Variants in SPTAN1 observed in about 807,000 individuals in gnomAD.
SPTAN1 encodes the protein spectrin alpha, non-erythrocytic 1, also known as spectrin alpha chain, non-erythrocytic 1.
In SPTAN1, 61 loss-of-function variants were observed where a neutral mutation model predicts 331.3. The ratio of observed to expected loss-of-function variants is 0.18; its 90% CI spans 0.15 to 0.23. SPTAN1 has a LOEUF of 0.23. SPTAN1 is among the 10% of genes least tolerant of loss of function. The probability of loss-of-function intolerance (pLI) is 1.00; values close to 1 mark genes in which losing one functional copy is unlikely to be tolerated. For synonymous variants in SPTAN1, 1,153 were observed against 1,173.9 expected, an observed-to-expected ratio of 0.98 and a Z score of 0.36; for missense variants, 2,043 against 3,147.9, an observed-to-expected ratio of 0.65 and a Z score of 8.40.
In SPTAN1 at chr9:128,627,175, G is replaced by C. The variant is rs752006624; in HGVS notation, c.6577-211G>C. 6.2e-6 allele frequency: 4 copies of C among 640,132 alleles called. No homozygotes were observed. Among genetic ancestry groups the C allele is most frequent in the South Asian group, 3.2e-5 (2 of 62,438 alleles). The allele number at this position is 640,132 out of a possible 1,614,324, so 39.7% of individuals were successfully genotyped here. A position where few individuals can be genotyped will look rare whatever the true frequency, so the allele number is the denominator to read the frequency against. On this transcript the variant is annotated intron_variant, in intron 49 of 56. Coordinates refer to ENST00000372739, the MANE Select transcript of SPTAN1 (RefSeq NM_001130438.3). This position sits in a 1 kb window ranked among gnomAD's most constrained non-coding sequence, Gnocchi z 4.9. ...TTGACTGACCAGTCGCTTCCCTCCA[G>C]GTCCGCCTCTTCCTTGAAGCCCCTG...
In SPTAN1 at chr9:128,627,451, G is replaced by C; in HGVS notation, c.6642G>C (p.Glu2214Asp). ...AGGAGAACGACAAGCTGCGCCAGGAGTTTGCCCAGCACGCCAACGCCTTCC... is the reference window on the plus strand; with the variant it reads ...AGGAGAACGACAAGCTGCGCCAGGACTTTGCCCAGCACGCCAACGCCTTCC... ...RQEENDKLRQEFAQHANAFHQ... is the reference protein window; with the variant it reads ...RQEENDKLRQDFAQHANAFHQ... Residue 2214 changes from glutamate (E) to aspartate (D), a missense_variant, in exon 50 of 57, where the codon GAG becomes GAC. This residue lies in a region of SPTAN1 where 256 missense variants were observed against 376.4 expected (regional missense o/e 0.68). Transcript: ENST00000372739. The surrounding 1 kb of genome is among the most constrained non-coding windows in gnomAD (Gnocchi z 4.9). 1 of 1,551,168 alleles carries C rather than the reference G, an allele frequency of 6.4e-7. No homozygotes were observed. Among genetic ancestry groups the C allele is most frequent in the Non-Finnish European group, 8.7e-7 (1 of 1,147,052 alleles).
At chr9:128,580,258 G>A (rs1451469619) in intron 10 of SPTAN1, among the ~76,000 whole-genome samples, 1 of 151,190 alleles carries the variant, frequency 6.6e-6, no homozygotes, top group Non-Finnish European at 1.5e-5. Context: ...TCTGGCTTGA[G>A]TGACAGAGTG....
Position 128,615,764 on chromosome 9 carries a change from C to T in SPTAN1, c.5281C>T (p.Arg1761Trp), listed in dbSNP as rs764247109. Residue 1761 changes from arginine to tryptophan, a missense_variant, in exon 41 of 57, where the codon CGG becomes TGG. Arg to Trp is a moderately radical substitution (Grantham distance 101). This residue lies in a region of SPTAN1 where 323 missense variants were observed against 581.1 expected (regional missense o/e 0.56). Transcript: ENST00000372739. ...GAAGATCAAGAGCATGGCGGCCTCC[C>T]GGCGAGCCAAGCTGAATGAATCCCA... Reference protein sequence around the residue: ...FQKIKSMAASRRAKLNESHRL... With the variant: ...FQKIKSMAASWRAKLNESHRL... 6.2e-6 allele frequency: 10 copies of T among 1,614,112 alleles called. No individual in the cohort carries two copies. Among genetic ancestry groups the T allele is most frequent in the East Asian group, 2.2e-5 (1 of 44,890 alleles).
chr9:128,582,061 A>C (rs769115531), intron 12 of SPTAN1, 169 bp downstream of exon 12: 4 of 647,894 alleles, frequency 6.2e-6, no homozygotes, highest in Non-Finnish European at 1.1e-5. Flanking sequence ...GACATAATAC[A>C]ACTTTATGGA....
rs80326848 is a variant in SPTAN1, at chr9:128,619,735, A to G, written c.5733+732A>G. Among the ~76,000 whole-genome samples, 419 of 152,350 alleles carry G rather than the reference A, an allele frequency of 2.8e-3. 9 individuals carry two copies. The East Asian group carries it at 0.041, about 15-fold the overall frequency. On this transcript the variant is annotated intron_variant, in intron 44 of 56. Coordinates refer to ENST00000372739, the MANE Select transcript of SPTAN1 (RefSeq NM_001130438.3). The stretch of plus-strand genomic sequence containing the variant: ...GGGTACCAGAAGTTAGGACTTCACC[A>G]TCTCTTGAGGGGGACACAGTTCAGC...
intron 6 of SPTAN1, 26 bp downstream of exon 6, chr9:128,576,982 G>T: frequency 6.2e-7 from 1 of 1,614,066 alleles, no homozygotes; most frequent in Non-Finnish European, 8.5e-7. Context: ...GGGCTTTGGG[G>T]AATGGGTCTC....
At chr9:128,609,093 T>C (rs754211900) in intron 35 of SPTAN1, 29 bp from the exon 36 acceptor site, 8 of 1,614,204 alleles carry the variant, frequency 5.0e-6, no homozygotes, top group South Asian at 4.4e-5. Flanking sequence ...GATATGCTCA[T>C]GTTGGATCTC....
rs1335009616 is a variant in SPTAN1, at chr9:128,626,291, C to T, written c.6280-100C>T. 98 of 1,411,010 alleles carry T rather than the reference C, an allele frequency of 6.9e-5. 1 individual carries two copies. Among genetic ancestry groups the T allele is most frequent in the South Asian group, 4.2e-4 (36 of 86,402 alleles). 87.4% of individuals were successfully genotyped at this position (1,411,010 alleles called of 1,614,324 possible). On this transcript the variant is annotated intron_variant, in intron 48 of 56. Transcript: ENST00000372739. ...AGCTAAGCTCCCAGCAGGCTGTGTGCGCCTCTGATTCCCAGGAACCACCCC... is the reference window on the plus strand; with the variant it reads ...AGCTAAGCTCCCAGCAGGCTGTGTGTGCCTCTGATTCCCAGGAACCACCCC...
intron 21 of SPTAN1, among the ~76,000 whole-genome samples, chr9:128,590,819 C>T (rs939464550): frequency 6.6e-6 from 1 of 151,894 alleles, no homozygotes; most frequent in Non-Finnish European, 1.5e-5. Flanking sequence ...CCACTGCACT[C>T]CAGCCTGGCA....
rs1855447531 is a variant in SPTAN1, at chr9:128,603,610, T to A, written c.3627+20T>A. On this transcript the variant is annotated intron_variant, in intron 28 of 56. Transcript: ENST00000372739. Reference sequence around the variant, plus strand: ...ATCAAGGTAAGAAGCAGTGACCAGCTCCTCTGATCTCCCCTGGTTTTCTCC... The same window carrying A: ...ATCAAGGTAAGAAGCAGTGACCAGCACCTCTGATCTCCCCTGGTTTTCTCC... The A allele has an allele frequency of 6.2e-7, 1 of 1,614,046 alleles. No individual in the cohort carries two copies. The highest frequency in any genetic ancestry group is 8.5e-7 in the Non-Finnish European group (1 of 1,179,858).
Position 128,575,557 on chromosome 9 carries a change from A to C in SPTAN1, c.651+212A>C, listed in dbSNP as rs182256701. 1.1e-4 allele frequency among the ~76,000 whole-genome samples: 17 copies of C among 152,352 alleles called. No individual in the cohort carries two copies. The East Asian group carries it at 2.7e-3, about 24-fold the overall frequency. ...ATGTGTTGCCTTGGGCAGGAAGGGC[A>C]GAGTTCATTTGATCTGTTTCCTCTA... is the stretch of plus-strand genomic sequence containing the variant. On this transcript the variant is annotated intron_variant, in intron 5 of 56. Transcript: ENST00000372739.
intron 25 of SPTAN1, chr9:128,598,735 C>T: frequency 1.6e-6 from 1 of 638,744 alleles, no homozygotes; most frequent in Non-Finnish European, 2.8e-6. Context: ...TCCGTAAGCT[C>T]ATTAAATATT....
At chr9:128,563,003 T>TAC (rs1463829841) in intron 1 of SPTAN1, among the ~76,000 whole-genome samples, 1 of 111,756 alleles carries the variant, frequency 8.9e-6, no homozygotes, top group South Asian at 2.6e-4. Flanking sequence ...TATATATATA[T>TAC]ATATATATAT....
At chr9:128,621,133 T>C (rs779020642) in intron 44 of SPTAN1, 25 bp from the exon 45 acceptor site, 2 of 1,604,374 alleles carry the variant, frequency 1.2e-6, no homozygotes, top group Non-Finnish European at 8.5e-7. Context: ...CTCTCAATAG[T>C]GTGCCTTGGC....
rs781104763 is a variant in SPTAN1 at position 128,612,091 on chromosome 9, C to A, written c.4906-18C>A. ...CTTCATAGATTTCATCTCTTTTTGG[C>A]TCCCTTCTGTTCCCCAGGCCCGCCT... On this transcript the variant is annotated intron_variant, in intron 38 of 56. Coordinates refer to ENST00000372739, the MANE Select transcript of SPTAN1 (RefSeq NM_001130438.3). 2.5e-6 allele frequency: 4 copies of A among 1,614,100 alleles called. No homozygotes were observed. Among genetic ancestry groups the A allele is most frequent in the Non-Finnish European group, 3.4e-6 (4 of 1,179,990 alleles).
At chr9:128,570,217 T>C (rs1202448297) in intron 3 of SPTAN1, among the ~76,000 whole-genome samples, 1 of 151,572 alleles carries the variant, frequency 6.6e-6, no homozygotes, top group Non-Finnish European at 1.5e-5. Context: ...ATCAAGTGTT[T>C]GGCTTCAGTA....
intron 45 of SPTAN1, 48 bp from the exon 46 acceptor site, chr9:128,624,280 A>C: frequency 6.2e-7 from 1 of 1,612,290 alleles, no homozygotes; most frequent in Non-Finnish European, 8.5e-7. Context: ...TAGTCAGGTA[A>C]CCACAGCAGG....
chr9:128,595,688 C>G (rs1854179672), intron 24 of SPTAN1, among the ~76,000 whole-genome samples: 1 of 152,138 alleles, frequency 6.6e-6, no homozygotes, highest in African/African-American at 2.4e-5. Flanking sequence ...AACCACATAT[C>G]CGTCAAGCAT....
intron 3 of SPTAN1, among the ~76,000 whole-genome samples, chr9:128,570,326 ATATATTTTTTTTTTT>A (rs1564199741): frequency 2.3e-5 from 1 of 43,138 alleles, no homozygotes; most frequent in South Asian, 1.0e-3. Flanking sequence ...ATATATATAT[ATATATTTTTTTTTTT>A]TTTTTTTTTT....
Sources: gnomAD v4.1 joint callset for allele counts (sites outside exome capture counted in the v4.1 genomes callset) on GRCh38, gnomAD v4.1.1 for gene constraint, gnomAD v4.1.1 regional missense constraint, Gnocchi (gnomAD v3.1) non-coding constraint, MANE v1.5 for transcripts, NCBI Gene and HGNC (gene_info 2026-07-23, HGNC 2026-07-21) for gene names.